The following FBXL13 variants were observed in gnomAD, a reference collection of about 807,000 sequenced individuals.
The protein encoded by FBXL13 is F-box and leucine rich repeat protein 13.
Under a neutral mutation model 83.6 loss-of-function variants are expected in FBXL13, and 67 were observed. The observed-to-expected ratio is 0.80, with a 90% confidence interval of 0.66 to 0.98. The LOEUF is 0.98. Among genes scored for constraint, FBXL13 ranks in the 50% least tolerant of loss-of-function variants. The pLI is 0.00. For synonymous variants in FBXL13, 272 were observed against 299.5 expected (o/e 0.91, Z 0.95); for missense variants, 822 against 866.5 (o/e 0.95, Z 0.64).
intron 6 of FBXL13, among the ~76,000 whole-genome samples, chr7:103,022,484 A>T (rs1793316612): frequency 1.3e-5 from 2 of 152,330 alleles, no homozygotes; most frequent in East Asian, 1.9e-4. Context: ...TATAAAAAAA[A>T]AAACCAGAAA....
chr7:102,932,553 A>AAAT (rs1819391394), intron 8 of FBXL13, among the ~76,000 whole-genome samples: 1 of 149,532 alleles, frequency 6.7e-6, no homozygotes. Flanking sequence ...TAAACAGAAT[A>AAAT]GTTGACATAC....
intron 2 of FBXL13, among the ~76,000 whole-genome samples, chr7:103,038,989 T>C (rs202032977): frequency 2.0e-5 from 3 of 152,288 alleles, no homozygotes; most frequent in South Asian, 2.1e-4. Context: ...TTGACAGAAG[T>C]AGGCTTCAGA....
chr7:102,952,723 C>T (rs1473538566), intron 8 of FBXL13, among the ~76,000 whole-genome samples: 1 of 152,212 alleles, frequency 6.6e-6, no homozygotes, highest in Non-Finnish European at 1.5e-5. Flanking sequence ...ATGGCTCATT[C>T]CTGTAATCTC....
intron 1 of FBXL13, 68 bp from the exon 2 acceptor site, chr7:103,055,815 CT>C: frequency 1.6e-6 from 1 of 629,194 alleles, no homozygotes; most frequent in South Asian, 1.7e-5. Flanking sequence ...CAGCACGTAA[CT>C]TTTTATTGTT....
chr7:102,840,154 T>C (rs1802670917), intron 17 of FBXL13, among the ~76,000 whole-genome samples: 1 of 152,194 alleles, frequency 6.6e-6, no homozygotes, highest in Non-Finnish European at 1.5e-5. Context: ...AGAGAATGTA[T>C]ATTGGGAAAA....
chr7:102,960,803 C>A (rs980053387), intron 8 of FBXL13, among the ~76,000 whole-genome samples: 44 of 151,598 alleles, frequency 2.9e-4, no homozygotes, highest in Admixed American at 1.1e-3. Flanking sequence ...GCTAAAAACT[C>A]TCAATAAATT....
chr7:102,940,551 T>C (rs1427011578), intron 8 of FBXL13, among the ~76,000 whole-genome samples: 1 of 152,192 alleles, frequency 6.6e-6, no homozygotes, highest in Non-Finnish European at 1.5e-5. Context: ...ATTTGGAATT[T>C]TTTTTGCTAT....
exon 4 of FBXL13, chr7:103,028,642 G>A: frequency 1.3e-6 from 2 of 1,597,978 alleles, no homozygotes; most frequent in Non-Finnish European, 1.7e-6. Context: ...GAGTGCCAGT[G>A]ATGAAATACA....
chr7:102,907,869 G>A (rs111277376), intron 11 of FBXL13, among the ~76,000 whole-genome samples: 1 of 152,070 alleles, frequency 6.6e-6, no homozygotes, highest in African/African-American at 2.4e-5. Flanking sequence ...ATGTGATACC[G>A]TCTCACACCA....
intron 19 of FBXL13, among the ~76,000 whole-genome samples, chr7:102,820,653 T>C (rs1410323920): frequency 1.3e-5 from 2 of 152,280 alleles, no homozygotes; most frequent in African/African-American, 4.8e-5. Context: ...GGGTAATTTA[T>C]AAAGAAAAGA....
At chr7:102,833,489 A>G (rs922881426) in intron 17 of FBXL13, among the ~76,000 whole-genome samples, 6 of 149,872 alleles carry the variant, frequency 4.0e-5, no homozygotes, top group South Asian at 2.1e-4. Flanking sequence ...TTGGAGTGCA[A>G]TGGTGCAATC....
At chr7:102,934,102 A>G in intron 8 of FBXL13, 1 of 1,614,158 alleles carries the variant, frequency 6.2e-7, no homozygotes. Flanking sequence ...TCCATGAGAA[A>G]TACTTAGATT....
At chr7:103,056,869 T>C (rs1457340826) in intron 1 of FBXL13, among the ~76,000 whole-genome samples, 1 of 151,834 alleles carries the variant, frequency 6.6e-6, no homozygotes, top group Non-Finnish European at 1.5e-5. Flanking sequence ...AGGAGTAAGG[T>C]GGTATCACAT....
At chr7:103,065,715 G>C (rs933094255) in intron 1 of FBXL13, among the ~76,000 whole-genome samples, 2 of 152,238 alleles carry the variant, frequency 1.3e-5, no homozygotes, top group Admixed American at 6.5e-5. Flanking sequence ...ACCTCCCCAA[G>C]GCTGAGATTC....
chr7:103,067,121 G>A (rs1013007458), intron 1 of FBXL13, among the ~76,000 whole-genome samples: 1 of 151,886 alleles, frequency 6.6e-6, no homozygotes, highest in African/African-American at 2.4e-5. Flanking sequence ...ACTAGGAAAT[G>A]TAGGACTATG....
chr7:102,961,261 A>G, intron 8 of FBXL13, among the ~76,000 whole-genome samples: 1 of 143,960 alleles, frequency 6.9e-6, no homozygotes, highest in African/African-American at 2.7e-5. Flanking sequence ...TAAAATACCT[A>G]GGAATCCAAC....
At chr7:102,835,603 G>GTTTTTTTTTTT (rs776220490) in intron 17 of FBXL13, among the ~76,000 whole-genome samples, 1 of 97,522 alleles carries the variant, frequency 1.0e-5, no homozygotes. Flanking sequence ...AGGTGACATT[G>GTTTTTTTTTTT]TTTTTTTTTT....
chr7:102,841,219 T>C (rs1802873341), intron 17 of FBXL13, among the ~76,000 whole-genome samples: 1 of 152,074 alleles, frequency 6.6e-6, no homozygotes, highest in Non-Finnish European at 1.5e-5. Flanking sequence ...TTTCCCTTTT[T>C]TTAAATTTTT....
At chr7:102,994,861 G>GAT (rs1163327438) in intron 6 of FBXL13, among the ~76,000 whole-genome samples, 2 of 152,130 alleles carry the variant, frequency 1.3e-5, no homozygotes, top group East Asian at 3.9e-4. Context: ...AAGTTAAGCA[G>GAT]ATGTGTAGGT....
Sources: allele counts gnomAD v4.1 joint callset (sites outside exome capture counted in the v4.1 genomes callset), GRCh38; gene constraint gnomAD v4.1.1; transcripts MANE v1.5; gene names NCBI Gene and HGNC (gene_info 2026-07-23, HGNC 2026-07-21).